The following DTL variants were observed in gnomAD, a reference collection of about 807,000 sequenced individuals.
DTL encodes denticleless protein homolog.
A neutral mutation model predicts 87.0 loss-of-function variants in DTL; 46 were observed. That is an observed-to-expected ratio of 0.53 (90% CI 0.42 to 0.68). The LOEUF (loss-of-function observed/expected upper bound fraction) is 0.68. Among genes scored for constraint, DTL ranks in the 30% least tolerant of loss-of-function variants. The pLI is 0.00. For synonymous variants in DTL, 308 were observed against 311.2 expected, an observed-to-expected ratio of 0.99 and a Z score of 0.11; for missense variants, 737 against 869.4, an observed-to-expected ratio of 0.85 and a Z score of 1.91.
chr1:212,037,687 A>G (rs1667529206), intron 1 of DTL, among the ~76,000 whole-genome samples: 1 of 152,236 alleles, frequency 6.6e-6, no homozygotes, highest in Admixed American at 6.5e-5. Context: ...CATATATTTG[A>G]GAAAGATTAA....
chr1:212,096,805 T>C lies in DTL; in HGVS notation c.1262-3447T>C, dbSNP rs961701213. Among the ~76,000 whole-genome samples the C allele has an allele frequency of 5.3e-5, 8 of 152,334 alleles. No individual in the cohort carries two copies. The East Asian group carries it at 1.5e-3, about 29-fold the overall frequency. ...TGTGGCCTATCATATGGTCTCTATCTTGGAGAATGTTCCATGAATGTTCTG... is the reference window on the plus strand; with the variant it reads ...TGTGGCCTATCATATGGTCTCTATCCTGGAGAATGTTCCATGAATGTTCTG... On this transcript the variant is annotated intron_variant, in intron 13 of 14. Transcript: ENST00000366991.
At chr1:212,059,934 A>G (rs12094602) in intron 5 of DTL, among the ~76,000 whole-genome samples, 13 of 152,274 alleles carry the variant, frequency 8.5e-5, no homozygotes, top group African/African-American at 2.9e-4. Flanking sequence ...TACAATAGCT[A>G]CAAAAAAATA....
chr1:212,077,411 ATATAT>A (rs942804594), intron 11 of DTL, among the ~76,000 whole-genome samples: 1 of 152,220 alleles, frequency 6.6e-6, no homozygotes, highest in African/African-American at 2.4e-5. Context: ...CTGCATTAAA[ATATAT>A]TAAAATGCGA....
chr1:212,076,604 G>A (rs1654838530), intron 11 of DTL, among the ~76,000 whole-genome samples: 1 of 152,074 alleles, frequency 6.6e-6, no homozygotes, highest in African/African-American at 2.4e-5. Flanking sequence ...AGACAATAAT[G>A]TATTTCTACC....
intron 5 of DTL, among the ~76,000 whole-genome samples, chr1:212,061,247 C>CAAAAAAAAAAAAAA (rs1258680124): frequency 9.5e-6 from 1 of 105,342 alleles, no homozygotes. Context: ...GATCCTGTCT[C>CAAAAAAAAAAAAAA]AAAAAAAAAA....
intron 11 of DTL, among the ~76,000 whole-genome samples, chr1:212,074,023 G>A (rs1214120053): frequency 6.6e-6 from 1 of 151,274 alleles, no homozygotes; most frequent in Non-Finnish European, 1.5e-5. Context: ...CCACAGGTCT[G>A]TATCTTTTAA....
intron 11 of DTL, among the ~76,000 whole-genome samples, chr1:212,077,448 A>C (rs1654863350): frequency 6.6e-6 from 1 of 152,216 alleles, no homozygotes; most frequent in African/African-American, 2.4e-5. Context: ...TTGAAAATTC[A>C]AAACTTCTCT....
rs745438451 is a variant in DTL, at chr1:212,047,206, T to G, written c.333T>G (p.Leu111=). ...VFDLAWVPGE[L]KLVTAAGDQT... is the part of the protein sequence containing the mutation. ...ACCTGGCCTGGGTTCCTGGTGAACT[T>G]AAACTTGTAAGTGACTTTATTTCAT... The change falls in exon 4 of 15, where the codon CTT becomes CTG. Residue 111 remains leucine, a synonymous_variant. Coordinates refer to ENST00000366991, the MANE Select transcript of DTL (RefSeq NM_016448.4). 1.2e-6 allele frequency: 2 copies of G among 1,614,218 alleles called. No individual in the cohort carries two copies. Among genetic ancestry groups the G allele is most frequent in the Non-Finnish European group, 1.7e-6 (2 of 1,180,016 alleles).
chr1:212,062,805 T>C (rs987601419), intron 5 of DTL, 79 bp from the exon 6 acceptor site: 2 of 1,116,486 alleles, frequency 1.8e-6, no homozygotes, highest in Non-Finnish European at 2.7e-6. Context: ...TAATAGATAG[T>C]CTACAAAATG....
Position 212,043,039 on chromosome 1 carries a change from G to A in DTL, c.99G>A (p.Gln33=), listed in dbSNP as rs1478951642. The A allele has an allele frequency of 2.5e-6, 4 of 1,613,204 alleles. No homozygotes were observed. The highest frequency in any genetic ancestry group is 3.4e-6 in the Non-Finnish European group (4 of 1,179,470). ...TTCAATCCCTTCTGACTGGTTATCA[G>A]TGCAGTGGTAATGATGAACACACTT... ...YPLQSLLTGY[Q]CSGNDEHTSY... Residue 33 remains glutamine, a synonymous_variant, in exon 2 of 15, where the codon CAG becomes CAA. Transcript: ENST00000366991.
At chr1:212,083,498 G>A (rs2102570149) in intron 13 of DTL, among the ~76,000 whole-genome samples, 1 of 152,244 alleles carries the variant, frequency 6.6e-6, no homozygotes, top group East Asian at 1.9e-4. Context: ...AAATACTAAA[G>A]GGAGATGGGA....
At chr1:212,058,973 A>T (rs1009188095) in intron 5 of DTL, among the ~76,000 whole-genome samples, 1 of 152,188 alleles carries the variant, frequency 6.6e-6, no homozygotes, top group African/African-American at 2.4e-5. Context: ...ACCTACCAAG[A>T]CTGAATCAGA....
intron 2 of DTL, 103 bp downstream of exon 2, chr1:212,043,221 A>G: frequency 8.2e-7 from 1 of 1,223,038 alleles, no homozygotes; most frequent in Non-Finnish European, 1.1e-6. Context: ...AAAGTAAATT[A>G]GGTGGATGTT....
Position 212,036,029 on chromosome 1 carries a change from A to C in DTL, c.52+87A>C. On this transcript the variant is annotated intron_variant, in intron 1 of 14. Coordinates refer to ENST00000366991, the MANE Select transcript of DTL (RefSeq NM_016448.4). Reference sequence around the variant, plus strand: ...CCACCTCCGACCAGGGCCGACTCCAATTCTGAACTCAGCTTCTGAGTTCTC... The same window carrying C: ...CCACCTCCGACCAGGGCCGACTCCACTTCTGAACTCAGCTTCTGAGTTCTC... The C allele has an allele frequency of 3.1e-6, 4 of 1,294,806 alleles. No homozygotes were observed. In the South Asian group the frequency reaches 4.8e-5, roughly 16 times the overall value. 80.2% of individuals were successfully genotyped at this position (1,294,806 alleles called of 1,614,324 possible). A position where few individuals can be genotyped will look rare whatever the true frequency, so the allele number is the denominator to read the frequency against.
intron 5 of DTL, among the ~76,000 whole-genome samples, chr1:212,049,297 A>G (rs758049238): frequency 6.6e-5 from 10 of 152,172 alleles, no homozygotes; most frequent in Non-Finnish European, 1.2e-4. Context: ...AAGGGGAAAT[A>G]TGGCATGATT....
chr1:212,087,852 C>T (rs1347006132), intron 13 of DTL, among the ~76,000 whole-genome samples: 1 of 152,172 alleles, frequency 6.6e-6, no homozygotes, highest in African/African-American at 2.4e-5. Flanking sequence ...TGCTTATCTT[C>T]ACTTCTGGCC....
chr1:212,103,451 T>C lies in DTL; in HGVS notation c.*511T>C, dbSNP rs1193153358. On this transcript the variant is annotated 3_prime_UTR_variant, in exon 15 of 15. Transcript: ENST00000366991. Reference sequence around the variant, plus strand: ...TCTTTTCACTATGCTTTTGTGGGGTTTTTTTTAAGTATGTGTAAAAATGTG... The same window carrying C: ...TCTTTTCACTATGCTTTTGTGGGGTCTTTTTTAAGTATGTGTAAAAATGTG... 6.6e-6 allele frequency: 1 copy of C among 152,232 alleles called. No homozygotes were observed. Among genetic ancestry groups the C allele is most frequent in the African/African-American group, 2.4e-5 (1 of 41,448 alleles). The allele number at this position is 152,232 out of a possible 1,614,324, so 9.4% of individuals were successfully genotyped here. A position where few individuals can be genotyped will look rare whatever the true frequency, so the allele number is the denominator to read the frequency against.
intron 5 of DTL, among the ~76,000 whole-genome samples, chr1:212,058,153 A>G (rs1236193506): frequency 6.6e-6 from 1 of 152,146 alleles, no homozygotes; most frequent in African/African-American, 2.4e-5. Context: ...TCAGCGTTAG[A>G]CAGATATCTA....
intron 14 of DTL, among the ~76,000 whole-genome samples, chr1:212,102,245 C>T (rs1655645343): frequency 6.6e-6 from 1 of 151,838 alleles, no homozygotes; most frequent in Admixed American, 6.6e-5. Context: ...TTCCTTCTCT[C>T]AAAATTATGA....
Sources: gnomAD v4.1 joint callset for allele counts (sites outside exome capture counted in the v4.1 genomes callset) on GRCh38, gnomAD v4.1.1 for gene constraint, MANE v1.5 for transcripts, NCBI Gene and HGNC (gene_info 2026-07-23, HGNC 2026-07-21) for gene names.